Variants in UBE2E2 observed in about 807,000 individuals in gnomAD.
UBE2E2 encodes the protein ubiquitin-conjugating enzyme E2 E2.
UBE2E2 carries 6 observed loss-of-function variants against 24.7 expected under a neutral mutation model. That is an observed-to-expected ratio of 0.24 (90% CI 0.13 to 0.48). The LOEUF is 0.48. UBE2E2 is among the 20% of genes least tolerant of loss of function. UBE2E2 has a pLI of 0.99. For missense variants in UBE2E2, 169 were observed against 245.0 expected (o/e 0.69, Z 2.07); for synonymous variants, 104 against 83.6 (o/e 1.24, Z -1.33).
At chr3:23,543,114 G>C (rs1443772396) in intron 5 of UBE2E2, among the ~76,000 whole-genome samples, 4 of 152,150 alleles carry the variant, frequency 2.6e-5, no homozygotes, top group Non-Finnish European at 5.9e-5. Context: ...AGGAGTTCAA[G>C]ACTAGCCTAG....
At chr3:23,361,926 T>C (rs1696126136) in intron 3 of UBE2E2, among the ~76,000 whole-genome samples, 1 of 152,198 alleles carries the variant, frequency 6.6e-6, no homozygotes, top group Admixed American at 6.5e-5. Context: ...AAGACCACTA[T>C]CTGTATAATC....
intron 5 of UBE2E2, among the ~76,000 whole-genome samples, chr3:23,560,778 A>G (rs1418098918): frequency 3.3e-5 from 5 of 152,124 alleles, no homozygotes; most frequent in Admixed American, 3.3e-4. Context: ...GTGAGATGGT[A>G]TCTCATTGTG....
chr3:23,546,460 A>ATT lies in UBE2E2; in HGVS notation c.508+13787_508+13788dup, dbSNP rs899923576. On this transcript the variant is annotated intron_variant, in intron 5 of 5. Coordinates refer to ENST00000396703, the MANE Select transcript of UBE2E2 (RefSeq NM_152653.4). Reference sequence around the variant, plus strand: ...AATTTCTGAAGTCAAGAACATTTAGATTTTTTTTTTTTTTTTTTTTTTTTT... The same window carrying ATT: ...AATTTCTGAAGTCAAGAACATTTAGATTTTTTTTTTTTTTTTTTTTTTTTTTT... Among the ~76,000 whole-genome samples the ATT allele has an allele frequency of 9.0e-3, 690 of 76,916 alleles. 60 individuals carry two copies. The highest frequency in any genetic ancestry group is 0.037 in the African/African-American group (642 of 17,534). 50.5% of individuals were successfully genotyped at this position (76,916 alleles called of 152,430 possible). A position where few individuals can be genotyped will look rare whatever the true frequency, so the allele number is the denominator to read the frequency against.
At chr3:23,290,129 T>TACAC (rs553114841) in intron 3 of UBE2E2, among the ~76,000 whole-genome samples, 1 of 152,030 alleles carries the variant, frequency 6.6e-6, no homozygotes, top group Admixed American at 6.6e-5. Context: ...TGTATATGTC[T>TACAC]ACACACACAC....
chr3:23,428,194 A>T (rs772136667), intron 3 of UBE2E2, among the ~76,000 whole-genome samples: 4 of 152,236 alleles, frequency 2.6e-5, no homozygotes, highest in East Asian at 1.9e-4. Flanking sequence ...AACTAATTTT[A>T]AAAATGCTGT....
intron 3 of UBE2E2, among the ~76,000 whole-genome samples, chr3:23,272,277 G>A (rs1005397417): frequency 3.9e-5 from 6 of 151,966 alleles, no homozygotes; most frequent in South Asian, 2.1e-4. Flanking sequence ...CTCACTGCCC[G>A]GGGCCGGCCG....
chr3:23,543,265 A>C (rs901820786), intron 5 of UBE2E2, among the ~76,000 whole-genome samples: 9 of 152,234 alleles, frequency 5.9e-5, no homozygotes, highest in Non-Finnish European at 8.8e-5. Flanking sequence ...AGAGGAAGTC[A>C]AATTATCTCT....
chr3:23,431,334 T>C (rs1354832270), intron 3 of UBE2E2, among the ~76,000 whole-genome samples: 1 of 152,214 alleles, frequency 6.6e-6, no homozygotes, highest in Non-Finnish European at 1.5e-5. Context: ...TGAGGTCCAC[T>C]GGGGTCATGC....
chr3:23,408,542 A>G (rs1001464536), intron 3 of UBE2E2, among the ~76,000 whole-genome samples: 3 of 152,226 alleles, frequency 2.0e-5, no homozygotes, highest in Admixed American at 6.5e-5. Flanking sequence ...CTGTTAAAGT[A>G]TATGACTCTG....
At chr3:23,528,631 C>T (rs970594914) in intron 4 of UBE2E2, among the ~76,000 whole-genome samples, 3 of 152,216 alleles carry the variant, frequency 2.0e-5, no homozygotes, top group African/African-American at 4.8e-5. Flanking sequence ...CCCTCCCTTA[C>T]TATTGGTGTG....
At chr3:23,575,629 A>AT (rs1696330451) in intron 5 of UBE2E2, among the ~76,000 whole-genome samples, 1 of 152,164 alleles carries the variant, frequency 6.6e-6, no homozygotes, top group Admixed American at 6.6e-5. Context: ...TGGAAAAAAA[A>AT]CAAAAAAGCT....
chr3:23,542,065 A>G (rs1010648035), intron 5 of UBE2E2, among the ~76,000 whole-genome samples: 4 of 152,222 alleles, frequency 2.6e-5, no homozygotes, highest in African/African-American at 9.6e-5. Flanking sequence ...ATATTTTTAT[A>G]AGAAAAACTC....
At chr3:23,216,152 T>C (rs1696470492) in intron 2 of UBE2E2, among the ~76,000 whole-genome samples, 1 of 152,158 alleles carries the variant, frequency 6.6e-6, no homozygotes, top group African/African-American at 2.4e-5. Context: ...TTTTTGACTT[T>C]GAATTTCTTA....
At chr3:23,376,539 A>G (rs1696525347) in intron 3 of UBE2E2, among the ~76,000 whole-genome samples, 1 of 152,232 alleles carries the variant, frequency 6.6e-6, no homozygotes, top group South Asian at 2.1e-4. Context: ...TGTGGAAAAT[A>G]GTCTAATTAA....
intron 3 of UBE2E2, among the ~76,000 whole-genome samples, chr3:23,435,500 G>T (rs1698158672): frequency 6.6e-6 from 1 of 152,218 alleles, no homozygotes; most frequent in Non-Finnish European, 1.5e-5. Flanking sequence ...GAACACGTCA[G>T]TTGGGCTCAG....
intron 3 of UBE2E2, among the ~76,000 whole-genome samples, chr3:23,421,750 A>G (rs1360229288): frequency 1.3e-5 from 2 of 152,366 alleles, no homozygotes; most frequent in African/African-American, 4.8e-5. Context: ...AGAAAGTCAA[A>G]CACCACATGT....
chr3:23,203,394 C>G lies in UBE2E2; in HGVS notation c.-79C>G. On this transcript the variant is annotated 5_prime_UTR_variant, in exon 1 of 6. Coordinates refer to ENST00000396703, the MANE Select transcript of UBE2E2 (RefSeq NM_152653.4). ...TGGGGCCTCCCCAGTCTCCCTCCCCCTCGCGCCTGGGCAGCTCTCTCCCAG... is the reference window on the plus strand; with the variant it reads ...TGGGGCCTCCCCAGTCTCCCTCCCCGTCGCGCCTGGGCAGCTCTCTCCCAG... 1 of 985,680 alleles carries G rather than the reference C, an allele frequency of 1.0e-6. No homozygotes were observed. The highest frequency in any genetic ancestry group is 4.7e-5 in the South Asian group (1 of 21,396). The allele number at this position is 985,680 out of a possible 1,614,324, so 61.1% of individuals were successfully genotyped here.
chr3:23,481,864 G>C (rs1364001454), intron 3 of UBE2E2, among the ~76,000 whole-genome samples: 2 of 152,202 alleles, frequency 1.3e-5, no homozygotes, highest in Non-Finnish European at 2.9e-5. Context: ...TTAAATAGCA[G>C]ATCTTCTGTA....
intron 1 of UBE2E2, among the ~76,000 whole-genome samples, chr3:23,205,330 A>C (rs1338039079): frequency 6.6e-6 from 1 of 152,180 alleles, no homozygotes; most frequent in African/African-American, 2.4e-5. Flanking sequence ...CAGATTAGCT[A>C]TTTAGGAATT....
Sources: gnomAD v4.1 joint callset for allele counts (sites outside exome capture counted in the v4.1 genomes callset) on GRCh38, gnomAD v4.1.1 for gene constraint, MANE v1.5 for transcripts, NCBI Gene and HGNC (gene_info 2026-07-23, HGNC 2026-07-21) for gene names.